Variants in SGCD observed in about 807,000 individuals in gnomAD.
The protein encoded by SGCD is delta-sarcoglycan.
Under a neutral mutation model 36.6 loss-of-function variants are expected in SGCD, and 18 were observed. That is an observed-to-expected ratio of 0.49 (90% confidence interval 0.34 to 0.73). The LOEUF (loss-of-function observed/expected upper bound fraction) is 0.73, where lower values mean the gene tolerates loss of function less well. SGCD is among the 30% of genes least tolerant of loss of function. SGCD has a pLI of 0.01. For missense variants in SGCD, 387 were observed against 346.7 expected (o/e 1.12, Z -0.92); for synonymous variants, 133 against 130.6 (o/e 1.02, Z -0.12).
At chr5:156,520,198 C>T (rs1757341407) in intron 4 of SGCD, among the ~76,000 whole-genome samples, 1 of 152,298 alleles carries the variant, frequency 6.6e-6, no homozygotes, top group Admixed American at 6.5e-5. Context: ...GTGCAAAAAT[C>T]ACGAGCATTC....
intron 2 of SGCD, among the ~76,000 whole-genome samples, chr5:156,333,422 C>A (rs1231476858): frequency 1.3e-5 from 2 of 152,114 alleles, no homozygotes; most frequent in African/African-American, 4.8e-5. Flanking sequence ...AAATTAATAT[C>A]CATATTAAGA....
intron 3 of SGCD, among the ~76,000 whole-genome samples, chr5:156,390,304 C>A (rs1014220358): frequency 6.6e-6 from 1 of 152,104 alleles, no homozygotes; most frequent in Non-Finnish European, 1.5e-5. Context: ...ATGACAACTT[C>A]GTACACATTA....
chr5:156,523,308 C>G (rs1169424318), intron 4 of SGCD, among the ~76,000 whole-genome samples: 1 of 152,092 alleles, frequency 6.6e-6, no homozygotes, highest in East Asian at 1.9e-4. Flanking sequence ...TGAGGAATAA[C>G]TTTGACTGAA....
intron 1 of SGCD, among the ~76,000 whole-genome samples, chr5:156,044,523 C>CCCCTTTTTAA (rs1232045670): frequency 6.6e-6 from 1 of 152,254 alleles, no homozygotes; most frequent in East Asian, 1.9e-4. Flanking sequence ...TTGCTGTCTT[C>CCCCTTTTTAA]CCCTTTTTAA....
At chr5:155,810,813 T>G in the SGCD span, among the ~76,000 whole-genome samples, 4 of 100,258 alleles carry the variant, frequency 4.0e-5, no homozygotes, top group Non-Finnish European at 5.9e-5. Context: ...TTTTTTTTTT[T>G]TTTTTTTTTT....
At chr5:156,356,245 T>C (rs1769485344) in intron 3 of SGCD, among the ~76,000 whole-genome samples, 1 of 152,190 alleles carries the variant, frequency 6.6e-6, no homozygotes, top group Non-Finnish European at 1.5e-5. Flanking sequence ...TTGTCTCTTT[T>C]CCCTGATGTC....
intron 4 of SGCD, among the ~76,000 whole-genome samples, chr5:156,586,389 G>T (rs1760496984): frequency 6.6e-6 from 1 of 152,124 alleles, no homozygotes. Flanking sequence ...GTTGCTTTTG[G>T]TTAGCTGGCT....
At chr5:156,383,678 A>G (rs1181458804) in intron 3 of SGCD, among the ~76,000 whole-genome samples, 1 of 152,176 alleles carries the variant, frequency 6.6e-6, no homozygotes, top group Non-Finnish European at 1.5e-5. Flanking sequence ...AGTGAAGTCT[A>G]TCCAGTGCCC....
intron 1 of SGCD, among the ~76,000 whole-genome samples, chr5:156,072,077 T>G (rs1760589262): frequency 6.6e-6 from 1 of 152,198 alleles, no homozygotes; most frequent in East Asian, 1.9e-4. Flanking sequence ...GTCTTGACTC[T>G]TTATCCAATT....
intron 7 of SGCD, among the ~76,000 whole-genome samples, chr5:156,713,691 C>T (rs1187280533): frequency 5.3e-5 from 8 of 152,200 alleles, no homozygotes; most frequent in Non-Finnish European, 8.8e-5. Context: ...GCAAATCTCC[C>T]GAACAAAAGG....
rs1162467545 is a variant in SGCD at position 156,233,113 on chromosome 5, C to G, written c.-43-96421C>G. ...TGCTAAATTGTAATTCATTTCAATT[C>G]ATTTCACCTGTCTTAATAGAGCCAT... On this transcript the variant is annotated intron_variant, in intron 3 of 9. Transcript: ENST00000517913. 2.0e-5 allele frequency among the ~76,000 whole-genome samples: 3 copies of G among 152,116 alleles called. No individual in the cohort carries two copies. The East Asian group carries it at 5.8e-4, about 29-fold the overall frequency.
At chr5:155,911,041 C>T (rs1439738821) in intron 1 of SGCD, among the ~76,000 whole-genome samples, 3 of 151,946 alleles carry the variant, frequency 2.0e-5, no homozygotes, top group African/African-American at 4.8e-5. Flanking sequence ...TGAATGTTAG[C>T]GGAATAGCAA....
chr5:156,317,534 A>C (rs541894052), intron 3 of SGCD, among the ~76,000 whole-genome samples: 1 of 152,204 alleles, frequency 6.6e-6, no homozygotes, highest in Non-Finnish European at 1.5e-5. Context: ...GAATACCTTC[A>C]GGTTAATGGT....
At chr5:155,877,785 C>G (rs1364399051) in intron 1 of SGCD, among the ~76,000 whole-genome samples, 2 of 151,958 alleles carry the variant, frequency 1.3e-5, no homozygotes, top group African/African-American at 2.4e-5. Context: ...GAAACAAACC[C>G]TGATAAGTGC....
intron 3 of SGCD, among the ~76,000 whole-genome samples, chr5:156,449,514 G>A (rs1051195536): frequency 6.6e-6 from 1 of 151,504 alleles, no homozygotes; most frequent in African/African-American, 2.4e-5. Context: ...TTTACTAGGA[G>A]GAGGAAAAGA....
the SGCD span, among the ~76,000 whole-genome samples, chr5:155,794,234 G>A: frequency 6.6e-4 from 101 of 152,186 alleles, 1 homozygote; most frequent in South Asian, 4.6e-3. Flanking sequence ...AGAAAAAAAG[G>A]CAAATCTGAC....
the SGCD span, among the ~76,000 whole-genome samples, chr5:155,762,666 T>G: frequency 1.3e-5 from 2 of 152,194 alleles, no homozygotes; most frequent in African/African-American, 4.8e-5. Context: ...ACCCAGCAGC[T>G]GGACCAGCTG....
chr5:156,418,656 C>A (rs953854570), intron 3 of SGCD, among the ~76,000 whole-genome samples: 1 of 152,064 alleles, frequency 6.6e-6, no homozygotes, highest in Non-Finnish European at 1.5e-5. Context: ...ATGGAGGAGT[C>A]CTATTTTTAC....
In SGCD at chr5:156,767,118, A is replaced by G. The variant is rs1757605006; in HGVS notation, c.*7728A>G. On this transcript the variant is annotated 3_prime_UTR_variant, in exon 9 of 9. Transcript: ENST00000337851. Reference sequence around the variant, plus strand: ...GCAAGCCAGGAATAGATACCATTAAAGGGTCTCATAGGACTAACCTTACCA... The same window carrying G: ...GCAAGCCAGGAATAGATACCATTAAGGGGTCTCATAGGACTAACCTTACCA... 1 of 152,230 alleles carries G rather than the reference A, an allele frequency of 6.6e-6. No individual in the cohort carries two copies. Among genetic ancestry groups the G allele is most frequent in the Admixed American group, 6.5e-5 (1 of 15,288 alleles). 9.4% of individuals were successfully genotyped at this position (152,230 alleles called of 1,614,324 possible). A position where few individuals can be genotyped will look rare whatever the true frequency, so the allele number is the denominator to read the frequency against.
Sources: gnomAD v4.1 joint callset for allele counts (sites outside exome capture counted in the v4.1 genomes callset) on GRCh38, gnomAD v4.1.1 for gene constraint, MANE v1.5 for transcripts, NCBI Gene and HGNC (gene_info 2026-07-23, HGNC 2026-07-21) for gene names.